The following BROX variants were observed in gnomAD, a reference collection of about 807,000 sequenced individuals.
BROX encodes BRO1 domain and CAAX motif containing, also known as BRO1 domain-containing protein BROX.
BROX carries 53 observed loss-of-function variants against 61.0 expected under a neutral mutation model. That is an observed-to-expected ratio of 0.87 (90% CI 0.70 to 1.09). BROX has a LOEUF of 1.09. Ranked by LOEUF, BROX falls within the 50% of genes least tolerant of loss-of-function variation. The pLI is 0.00. For synonymous variants in BROX, 152 were observed against 160.2 expected (o/e 0.95, Z 0.38); for missense variants, 489 against 472.0 (o/e 1.04, Z -0.33).
rs371910890 is a variant in BROX at position 222,719,925 on chromosome 1, A to AT, written c.305+572dup. ...AACGAAACAGATCACAATGGTGTTA[A>AT]TTTTTTACTTACCTACTGTTTTTCA... On this transcript the variant is annotated intron_variant, in intron 4 of 12. Coordinates refer to ENST00000340934, the MANE Select transcript of BROX (RefSeq NM_144695.4). 3.1e-3 allele frequency among the ~76,000 whole-genome samples: 479 copies of AT among 152,268 alleles called. 3 individuals carry two copies. The highest frequency in any genetic ancestry group is 0.011 in the African/African-American group (465 of 41,556).
chr1:222,721,858 C>A (rs944857209), intron 4 of BROX, among the ~76,000 whole-genome samples: 2 of 152,044 alleles, frequency 1.3e-5, no homozygotes, highest in African/African-American at 4.8e-5. Flanking sequence ...TCACTTCTAC[C>A]AGAAAATTTT....
At chr1:222,714,184 A>G (rs1489530406) in intron 1 of BROX, among the ~76,000 whole-genome samples, 4 of 150,824 alleles carry the variant, frequency 2.7e-5, no homozygotes, top group Non-Finnish European at 5.9e-5. Flanking sequence ...CTACCTACCC[A>G]AGGACATTTA....
chr1:222,730,814 T>G (rs1055468321), intron 11 of BROX, among the ~76,000 whole-genome samples: 3 of 152,200 alleles, frequency 2.0e-5, no homozygotes, highest in Non-Finnish European at 2.9e-5. Flanking sequence ...TCCATATGTT[T>G]TAAATACATC....
chr1:222,715,851 C>T, intron 2 of BROX, 51 bp downstream of exon 2: 1 of 1,088,320 alleles, frequency 9.2e-7, no homozygotes, highest in Non-Finnish European at 1.4e-6. Flanking sequence ...TTTTTTGGTT[C>T]CATGGCAATA....
chr1:222,727,519 TTATAG>T (rs2125033163), intron 8 of BROX, among the ~76,000 whole-genome samples: 1 of 152,338 alleles, frequency 6.6e-6, no homozygotes, highest in African/African-American at 2.4e-5. Flanking sequence ...TATAACAACC[TTATAG>T]TTACTATGCT....
chr1:222,730,956 T>C (rs4240934), intron 11 of BROX, among the ~76,000 whole-genome samples: 137,511 of 152,002 alleles, frequency 0.9, 62,347 homozygotes, highest in East Asian at 1. Context: ...GCTGTTCAAA[T>C]TGTAGATCAC....
intron 6 of BROX, among the ~76,000 whole-genome samples, chr1:222,724,837 C>G (rs957150650): frequency 6.6e-6 from 1 of 152,094 alleles, no homozygotes; most frequent in Admixed American, 6.5e-5. Context: ...CACTGTCGCC[C>G]GGGCTGGAGT....
At chr1:222,725,196 G>T (rs553155782) in intron 6 of BROX, among the ~76,000 whole-genome samples, 2 of 152,132 alleles carry the variant, frequency 1.3e-5, no homozygotes, top group Non-Finnish European at 2.9e-5. Context: ...TGTGACTTGC[G>T]TATCTCAGCA....
chr1:222,720,235 C>T (rs1381238825), intron 4 of BROX, among the ~76,000 whole-genome samples: 1 of 152,174 alleles, frequency 6.6e-6, no homozygotes, highest in East Asian at 1.9e-4. Context: ...GACAACAGTA[C>T]TAGGCTTATA....
rs760649298 is a variant in BROX at position 222,715,748 on chromosome 1, T to C, written c.49T>C (p.Ser17Pro). 1 of 1,597,846 alleles carries C rather than the reference T, an allele frequency of 6.3e-7. No homozygotes were observed. Among genetic ancestry groups the C allele is most frequent in the South Asian group, 1.1e-5 (1 of 88,376 alleles). Residue 17 changes from serine to proline, a missense_variant, in exon 2 of 13, where the codon TCT becomes CCT. Transcript: ENST00000340934. ...CCCATTAAAAGCCACAGCTCCTGTGTCTTTTAATTACTATGGTGTAGTCAC... is the reference window on the plus strand; with the variant it reads ...CCCATTAAAAGCCACAGCTCCTGTGCCTTTTAATTACTATGGTGTAGTCAC... ...RNPLKATAPV[S>P]FNYYGVVTGP...
In BROX at chr1:222,732,832, G is replaced by A; in HGVS notation, c.*118G>A. ...GTAGAATAACTATTATATTCAGAGGGTTATCTGCCTTCAGCTTACTTGTTC... is the reference window on the plus strand; with the variant it reads ...GTAGAATAACTATTATATTCAGAGGATTATCTGCCTTCAGCTTACTTGTTC... On this transcript the variant is annotated 3_prime_UTR_variant, in exon 13 of 13. Transcript: ENST00000340934. 1.3e-6 allele frequency: 1 copy of A among 772,108 alleles called. No individual in the cohort carries two copies. The highest frequency in any genetic ancestry group is 1.9e-5 in the South Asian group (1 of 52,186). 47.8% of individuals were successfully genotyped at this position (772,108 alleles called of 1,614,324 possible). A position where few individuals can be genotyped will look rare whatever the true frequency, so the allele number is the denominator to read the frequency against.
chr1:222,728,903 AC>A, intron 9 of BROX, 75 bp downstream of exon 9: 8 of 1,043,894 alleles, frequency 7.7e-6, no homozygotes, highest in African/African-American at 6.3e-5. Flanking sequence ...CTCTCATCTC[AC>A]CAGAGTCTTT....
Position 222,729,605 on chromosome 1 carries a change from T to G in BROX, c.757-15T>G. 1 of 1,601,474 alleles carries G rather than the reference T, an allele frequency of 6.2e-7. No individual in the cohort carries two copies. Among genetic ancestry groups the G allele is most frequent in the South Asian group, 1.1e-5 (1 of 90,222 alleles). ...GAAGGGAGAGAATGAATAAAAAATT[T>G]GTTTATTTCATCAGGCTTACTGTTA... On this transcript the variant is annotated splice_polypyrimidine_tract_variant and intron_variant, in intron 9 of 12. Coordinates refer to ENST00000340934, the MANE Select transcript of BROX (RefSeq NM_144695.4).
chr1:222,722,900 T>A (rs1657205341), intron 5 of BROX, among the ~76,000 whole-genome samples: 1 of 152,162 alleles, frequency 6.6e-6, no homozygotes, highest in Non-Finnish European at 1.5e-5. Context: ...GGAAAGACCG[T>A]CAAATCAATT....
intron 5 of BROX, among the ~76,000 whole-genome samples, chr1:222,723,270 G>C (rs556654087): frequency 3.7e-4 from 57 of 152,304 alleles, no homozygotes; most frequent in African/African-American, 1.3e-3. Flanking sequence ...ATATACAAAT[G>C]TCTGTAAGGA....
intron 4 of BROX, among the ~76,000 whole-genome samples, chr1:222,720,022 CAG>C (rs1656949793): frequency 6.6e-6 from 1 of 152,124 alleles, no homozygotes; most frequent in Non-Finnish European, 1.5e-5. Flanking sequence ...TTTATAAAAA[CAG>C]AAAGGAAGGA....
Position 222,730,099 on chromosome 1 carries a change from C to G in BROX, c.911C>G (p.Ser304Ter). 1 of 1,613,330 alleles carries G rather than the reference C, an allele frequency of 6.2e-7. No homozygotes were observed. Among genetic ancestry groups the G allele is most frequent in the Non-Finnish European group, 8.5e-7 (1 of 1,179,516 alleles). ...GGACCTGGACCAACAGTCAAACCTT[C>G]AGGACATCTGTTCTTTAGGAAACTT... ...TKGPGPTVKP[S>*]GHLFFRKLGN... The change falls in exon 11 of 13, where the codon TCA (serine) becomes TGA (stop). Residue 304 changes from serine (S) to a stop codon, truncating the protein, a stop_gained. Transcript: ENST00000340934. LOFTEE classifies it high-confidence loss of function.
rs1431467030 is a variant in BROX, at chr1:222,734,033, A to G, written c.*1319A>G. On this transcript the variant is annotated 3_prime_UTR_variant, in exon 13 of 13. Transcript: ENST00000340934. ...ATTGTATTGGTTTAGGCCAAAGGCC[A>G]TAGCAAAAACATAGAGAACAAATAT... 6.6e-6 allele frequency: 1 copy of G among 152,234 alleles called. No individual in the cohort carries two copies. The highest frequency in any genetic ancestry group is 2.4e-5 in the African/African-American group (1 of 41,460). The allele number at this position is 152,234 out of a possible 1,614,324, so 9.4% of individuals were successfully genotyped here.
Position 222,725,518 on chromosome 1 carries a change from A to C in BROX, c.543A>C (p.Glu181Asp), listed in dbSNP as rs928484958. The C allele has an allele frequency of 8.7e-6, 14 of 1,613,050 alleles. No individual in the cohort carries two copies. In the African/African-American group the frequency reaches 1.1e-4, roughly 12 times the overall value. The stretch of plus-strand genomic sequence containing the variant: ...GAGATTTAGAGTCACGACTCATAGA[A>C]GCATACGTTATTCAATGTCAGGCTG... ...KGRDLESRLI[E>D]AYVIQCQAEA... The change falls in exon 7 of 13, where the codon GAA (glutamate) becomes GAC (aspartate). Residue 181 changes from glutamate to aspartate, a missense_variant. Glu to Asp is a conservative substitution (Grantham distance 45). Coordinates refer to ENST00000340934, the MANE Select transcript of BROX (RefSeq NM_144695.4).
Sources: gnomAD v4.1 joint callset for allele counts (sites outside exome capture counted in the v4.1 genomes callset) on GRCh38, gnomAD v4.1.1 for gene constraint, MANE v1.5 for transcripts, NCBI Gene and HGNC (gene_info 2026-07-23, HGNC 2026-07-21) for gene names.